DMD: variants seen among roughly 807,000 people sequenced by gnomAD.
The protein encoded by DMD is mutant dystrophin.
Under a neutral mutation model 330.1 loss-of-function variants are expected in DMD, and 63 were observed. The observed-to-expected ratio is 0.19, with a 90% CI of 0.16 to 0.24. The LOEUF is 0.24. DMD is among the 10% of genes least tolerant of loss of function. DMD has a pLI of 1.00. For missense variants in DMD, 3,344 were observed against 2,684.1 expected, an observed-to-expected ratio of 1.25 and a Z score of -5.43; for synonymous variants, 1,223 against 959.8, an observed-to-expected ratio of 1.27 and a Z score of -5.07.
Position 33,108,391 on chromosome X carries a change from C to A in DMD, c.32-88191G>T, listed in dbSNP as rs1456637328. 7.2e-5 allele frequency among the ~76,000 whole-genome samples: 8 copies of A among 110,351 alleles called. No homozygotes were observed. In the Admixed American group the frequency reaches 7.7e-4, roughly 11 times the overall value. Reference sequence around the variant, plus strand: ...AAGGGATTCTTTTGCCTCAGCACCCCCGAGTAGCTGGGATTAAAGGCATGT... The same window carrying A: ...AAGGGATTCTTTTGCCTCAGCACCCACGAGTAGCTGGGATTAAAGGCATGT... On this transcript the variant is annotated intron_variant, in intron 1 of 78. Coordinates refer to ENST00000357033, the MANE Select transcript of DMD (RefSeq NM_004006.3).
chrX:32,870,974 A>AAAG (rs2082922827), intron 2 of DMD, among the ~76,000 whole-genome samples: 1 of 78,178 alleles, frequency 1.3e-5, no homozygotes, highest in African/African-American at 4.5e-5. Context: ...AAAAAAAAAA[A>AAAG]AAAAAAAAAA....
chrX:32,857,547 G>A lies in DMD; in HGVS notation c.94-7727C>T, dbSNP rs932566434. On this transcript the variant is annotated intron_variant, in intron 2 of 78. Transcript: ENST00000357033. ...TAAACTCATCAAAAAATAATCTTAT[G>A]CACTGCAATGTGTCCATTGTTGAAG... Among the ~76,000 whole-genome samples the A allele has an allele frequency of 1.1e-4, 12 of 112,057 alleles. No individual in the cohort carries two copies. The Admixed American group carries it at 1.1e-3, about 11-fold the overall frequency.
chrX:31,527,033 G>A (rs899256315), intron 55 of DMD, among the ~76,000 whole-genome samples: 14 of 111,084 alleles, frequency 1.3e-4, no homozygotes, highest in Non-Finnish European at 2.6e-4. Flanking sequence ...AGGATCACCT[G>A]AGCCCAGGGA....
chrX:31,945,630 C>A (rs1020866761), intron 45 of DMD, among the ~76,000 whole-genome samples: 2 of 111,953 alleles, frequency 1.8e-5, no homozygotes, highest in African/African-American at 6.5e-5. Context: ...TGGGTGACAT[C>A]AACATTAAAC....
chrX:31,631,189 T>C (rs2079115318), intron 54 of DMD, among the ~76,000 whole-genome samples: 1 of 110,755 alleles, frequency 9.0e-6, no homozygotes, highest in South Asian at 3.9e-4. Context: ...TTCCAATATA[T>C]GCTAAAGCTT....
chrX:33,333,796 A>C (rs2054213437), intron 1 of DMD, among the ~76,000 whole-genome samples: 1 of 111,400 alleles, frequency 9.0e-6, no homozygotes, highest in South Asian at 3.7e-4. Flanking sequence ...ATGTCTTATC[A>C]ATCATTTACT....
chrX:31,349,555 T>C (rs1252562207), intron 60 of DMD, among the ~76,000 whole-genome samples: 1 of 112,272 alleles, frequency 8.9e-6, no homozygotes, highest in African/African-American at 3.2e-5. Context: ...GAAATATACC[T>C]TTAGGGGGCA....
At chrX:32,145,111 C>T (rs995570404) in intron 44 of DMD, among the ~76,000 whole-genome samples, 27 of 111,702 alleles carry the variant, frequency 2.4e-4, no homozygotes, top group African/African-American at 8.1e-4. Context: ...TAAATGAAAA[C>T]CAAACAAAAC....
At chrX:32,017,112 C>T (rs2095767573) in intron 44 of DMD, among the ~76,000 whole-genome samples, 2 of 112,010 alleles carry the variant, frequency 1.8e-5, no homozygotes, top group Non-Finnish European at 3.8e-5. Flanking sequence ...CATTTACGGG[C>T]TTCTTCCAAA....
intron 5 of DMD, among the ~76,000 whole-genome samples, chrX:32,821,663 A>G (rs2078269651): frequency 9.0e-6 from 1 of 111,687 alleles, no homozygotes; most frequent in Non-Finnish European, 1.9e-5. Flanking sequence ...GATATCTGCT[A>G]CAATAGGGCT....
At chrX:32,485,411 T>C (rs1421014845) in intron 20 of DMD, among the ~76,000 whole-genome samples, 1 of 110,952 alleles carries the variant, frequency 9.0e-6, no homozygotes, top group Non-Finnish European at 1.9e-5. Flanking sequence ...ATCCTTTCCA[T>C]AAATCAAATA....
At chrX:33,121,273 C>T (rs1474917409) in intron 1 of DMD, among the ~76,000 whole-genome samples, 1 of 107,246 alleles carries the variant, frequency 9.3e-6, no homozygotes, top group Non-Finnish European at 1.9e-5. Flanking sequence ...CTCTGTCTCT[C>T]AGGCTGGAGT....
intron 9 of DMD, among the ~76,000 whole-genome samples, chrX:32,649,417 G>A (rs750405183): frequency 1.1e-3 from 120 of 109,321 alleles, no homozygotes; most frequent in African/African-American, 3.6e-3. Context: ...AGCCGGGCGC[G>A]GTGGCGGCGC....
intron 45 of DMD, among the ~76,000 whole-genome samples, chrX:31,936,378 T>C (rs1254997731): frequency 9.0e-6 from 1 of 111,687 alleles, no homozygotes; most frequent in Non-Finnish European, 1.9e-5. Context: ...CACTACACTT[T>C]TGCCACTATT....
At chrX:31,698,697 C>A (rs898173951) in intron 52 of DMD, among the ~76,000 whole-genome samples, 1 of 111,606 alleles carries the variant, frequency 9.0e-6, no homozygotes, top group Non-Finnish European at 1.9e-5. Context: ...CTAGTATGAA[C>A]GGGCATTTTT....
intron 4 of DMD, among the ~76,000 whole-genome samples, chrX:32,825,945 C>A (rs189839945): frequency 1.1e-5 from 1 of 93,867 alleles, no homozygotes; most frequent in Admixed American, 1.3e-4. Context: ...GCGGTGATGA[C>A]TACCCAACAA....
chrX:31,479,209 A>T, intron 57 of DMD, 106 bp from the exon 58 acceptor site: 2 of 923,239 alleles, frequency 2.2e-6, no homozygotes, highest in Non-Finnish European at 3.1e-6. Flanking sequence ...GTCAATTTCT[A>T]TCTCTTTTAT....
chrX:33,128,093 G>T (rs1328976539), intron 1 of DMD: 3 of 1,193,988 alleles, frequency 2.5e-6, no homozygotes, highest in Non-Finnish European at 3.4e-6. Flanking sequence ...GAATGCTTGT[G>T]GAATTTATCA....
chrX:32,914,918 T>G (rs1191759230), intron 2 of DMD, among the ~76,000 whole-genome samples: 1 of 111,929 alleles, frequency 8.9e-6, no homozygotes, highest in East Asian at 2.8e-4. Context: ...CCCCATTTTT[T>G]TTTTGGATGA....
Sources: allele counts gnomAD v4.1 joint callset (sites outside exome capture counted in the v4.1 genomes callset), GRCh38; gene constraint gnomAD v4.1.1; transcripts MANE v1.5; gene names NCBI Gene and HGNC (gene_info 2026-07-23, HGNC 2026-07-21).